Variants in LMBR1 observed in about 807,000 individuals in gnomAD.
The protein encoded by LMBR1 is limb region 1 protein homolog.
LMBR1 carries 52 observed loss-of-function variants against 73.9 expected under a neutral mutation model. The ratio of observed to expected loss-of-function variants is 0.70; its 90% CI spans 0.56 to 0.89. The LOEUF is 0.89. Ranked by LOEUF, LMBR1 falls within the 40% of genes least tolerant of loss-of-function variation. The pLI is 0.00. For missense variants in LMBR1, 539 were observed against 579.8 expected, an observed-to-expected ratio of 0.93 and a Z score of 0.72; for synonymous variants, 215 against 209.4, an observed-to-expected ratio of 1.03 and a Z score of -0.23.
chr7:156,762,846 AGT>A (rs35976164), intron 7 of LMBR1, among the ~76,000 whole-genome samples: 25,326 of 148,422 alleles, frequency 0.17, 2,207 homozygotes, highest in South Asian at 0.22. Flanking sequence ...TGTGAGTGTG[AGT>A]GTGTGTGTGT....
intron 15 of LMBR1, among the ~76,000 whole-genome samples, chr7:156,711,934 G>A (rs910021393): frequency 1.3e-5 from 2 of 152,106 alleles, no homozygotes; most frequent in African/African-American, 4.8e-5. Context: ...CTGGACATTG[G>A]TCTAGGAAAA....
rs1020689125 is a variant in LMBR1, at chr7:156,762,212, A to C, written c.620-14T>G. 2 of 1,593,148 alleles carry C rather than the reference A, an allele frequency of 1.3e-6. No individual in the cohort carries two copies. The highest frequency in any genetic ancestry group is 3.3e-5 in the Admixed American group (2 of 59,902). On this transcript the variant is annotated splice_polypyrimidine_tract_variant and intron_variant, in intron 7 of 16. Coordinates refer to ENST00000353442, the MANE Select transcript of LMBR1 (RefSeq NM_022458.4). The stretch of plus-strand genomic sequence containing the variant: ...CTGGTGTACACACTGCAGAAATAAG[A>C]TCACCAAAAGACAGAAAGCGACATT...
rs879945170 is a variant in LMBR1, at chr7:156,877,004, C to CA, written c.66+15923dup. 3.0e-4 allele frequency among the ~76,000 whole-genome samples: 45 copies of CA among 150,864 alleles called. 1 individual carries two copies. Among genetic ancestry groups the CA allele is most frequent in the Non-Finnish European group, 5.6e-4 (38 of 67,646 alleles). On this transcript the variant is annotated intron_variant, in intron 1 of 16. Coordinates refer to ENST00000353442, the MANE Select transcript of LMBR1 (RefSeq NM_022458.4). The stretch of plus-strand genomic sequence containing the variant: ...ACTAAATGAAACTGAAACAAACAAA[C>CA]AAAAAAAATACAAAAGAAAAATGAA...
chr7:156,695,004 T>G (rs573890144), intron 15 of LMBR1, among the ~76,000 whole-genome samples: 73 of 152,324 alleles, frequency 4.8e-4, no homozygotes, highest in African/African-American at 1.4e-3. Flanking sequence ...TTTTATAGAT[T>G]CAATACAATC....
chr7:156,673,906 T>TA (rs3030984), downstream of LMBR1, among the ~76,000 whole-genome samples: 1,919 of 100,836 alleles, frequency 0.019, 16 homozygotes, highest in Non-Finnish European at 0.027. Context: ...TCCACATTAA[T>TA]AAAAAAAAAA....
At chr7:156,860,074 C>A (rs764063581) in intron 1 of LMBR1, among the ~76,000 whole-genome samples, 6 of 152,226 alleles carry the variant, frequency 3.9e-5, no homozygotes, top group Non-Finnish European at 8.8e-5. Context: ...TGGACATCCA[C>A]GTACAACAAA....
intron 9 of LMBR1, among the ~76,000 whole-genome samples, chr7:156,740,066 GAATC>G (rs1484490612): frequency 1.3e-5 from 2 of 151,928 alleles, no homozygotes; most frequent in African/African-American, 4.8e-5. Flanking sequence ...TAATAAAAAA[GAATC>G]AAGCAGAAAT....
rs561275823 is a variant in LMBR1 at position 156,892,547 on chromosome 7, C to T, written c.66+381G>A. On this transcript the variant is annotated intron_variant, in intron 1 of 16. Coordinates refer to ENST00000353442, the MANE Select transcript of LMBR1 (RefSeq NM_022458.4). ...CCCCGAGGCGCGAGCCGCACACCCG[C>T]CCAGAGAGGAAGCCCCTGGGGTCCC... is the stretch of plus-strand genomic sequence containing the variant. 21 of 168,060 alleles carry T rather than the reference C, an allele frequency of 1.2e-4. 1 individual carries two copies. The South Asian group carries it at 4.1e-3, about 33-fold the overall frequency. 10.4% of individuals were successfully genotyped at this position (168,060 alleles called of 1,614,324 possible).
chr7:156,892,764 G>A (rs1237821421), intron 1 of LMBR1, among the ~76,000 whole-genome samples, 164 bp downstream of exon 1: 1 of 133,684 alleles, frequency 7.5e-6, no homozygotes, highest in African/African-American at 2.8e-5. Context: ...GGAAGGGGAG[G>A]GGAGGGGAGA....
chr7:156,710,118 G>T (rs2132171981), intron 15 of LMBR1, among the ~76,000 whole-genome samples: 1 of 151,552 alleles, frequency 6.6e-6, no homozygotes, highest in Non-Finnish European at 1.5e-5. Flanking sequence ...TGTCAGCCAG[G>T]ATGCTCTCGA....
chr7:156,726,141 G>GA (rs1295069393), intron 12 of LMBR1: 2 of 241,508 alleles, frequency 8.3e-6, no homozygotes, highest in African/African-American at 2.3e-5. Context: ...GCCACTTGAG[G>GA]AAAAAAATCC....
intron 1 of LMBR1, among the ~76,000 whole-genome samples, chr7:156,842,060 T>C (rs907715551): frequency 1.6e-4 from 24 of 150,480 alleles, no homozygotes; most frequent in African/African-American, 5.8e-4. Context: ...CAGTTGCAGG[T>C]AGTTACGTGT....
In LMBR1 at chr7:156,724,193, G is replaced by C; in HGVS notation, c.1159-15C>G. On this transcript the variant is annotated splice_polypyrimidine_tract_variant and intron_variant, in intron 14 of 16. Transcript: ENST00000353442. The stretch of plus-strand genomic sequence containing the variant: ...TTTCCAATGATCTGTTATGAGAAAC[G>C]AGAAAGAATATTGGGCAGTTAAACA... 4 of 1,599,428 alleles carry C rather than the reference G, an allele frequency of 2.5e-6. No homozygotes were observed. The highest frequency in any genetic ancestry group is 3.4e-6 in the Non-Finnish European group (4 of 1,169,690).
At chr7:156,758,293 G>T (rs1019868513) in intron 8 of LMBR1, among the ~76,000 whole-genome samples, 5 of 152,190 alleles carry the variant, frequency 3.3e-5, no homozygotes, top group Admixed American at 2.6e-4. Context: ...CTACTATCTG[G>T]ATCAGAATTG....
At chr7:156,840,453 G>A (rs1010895725) in intron 1 of LMBR1, among the ~76,000 whole-genome samples, 1 of 151,946 alleles carries the variant, frequency 6.6e-6, no homozygotes, top group Non-Finnish European at 1.5e-5. Flanking sequence ...AGGGTCGGAG[G>A]CAATAATGGC....
intron 9 of LMBR1, among the ~76,000 whole-genome samples, chr7:156,744,323 T>C (rs1029485210): frequency 7.2e-5 from 11 of 152,002 alleles, no homozygotes; most frequent in Non-Finnish European, 1.0e-4. Flanking sequence ...GGAATTTTTC[T>C]ATGTGAAAGT....
At chr7:156,782,002 C>A (rs78522764) in intron 5 of LMBR1, among the ~76,000 whole-genome samples, 4,841 of 152,292 alleles carry the variant, frequency 0.032, 123 homozygotes, top group South Asian at 0.084. Context: ...AATACACAAT[C>A]CCTGGCAACC....
At chr7:156,783,751 T>A (rs1228738295) in intron 5 of LMBR1, among the ~76,000 whole-genome samples, 1 of 152,216 alleles carries the variant, frequency 6.6e-6, no homozygotes, top group Non-Finnish European at 1.5e-5. Flanking sequence ...AGGACTCATG[T>A]ACAGGTAGTG....
chr7:156,774,534 A>ACT (rs1825774557), intron 5 of LMBR1, among the ~76,000 whole-genome samples: 3 of 152,222 alleles, frequency 2.0e-5, no homozygotes, highest in African/African-American at 7.2e-5. Flanking sequence ...ATGCAGCAAT[A>ACT]AAAACAAATG....
Sources: allele counts gnomAD v4.1 joint callset (sites outside exome capture counted in the v4.1 genomes callset), GRCh38; gene constraint gnomAD v4.1.1; transcripts MANE v1.5; gene names NCBI Gene and HGNC (gene_info 2026-07-23, HGNC 2026-07-21).